Variants in SMAD6 observed in about 807,000 individuals in gnomAD.
SMAD6 encodes SMAD family member 6.
Under a neutral mutation model 39.4 loss-of-function variants are expected in SMAD6, and 103 were observed. The observed-to-expected ratio is 2.62, with a 90% CI of 2.23 to 3.08. SMAD6 has a LOEUF of 3.08. Ranked by LOEUF, SMAD6 falls within the 30% of genes most tolerant of loss-of-function variation. The pLI is 0.00. For synonymous variants in SMAD6, 445 were observed against 353.3 expected (o/e 1.26, Z -2.91); for missense variants, 1,104 against 742.9 (o/e 1.49, Z -5.65).
intron 3 of SMAD6, chr15:66,717,169 C>T: frequency 7.8e-7 from 1 of 1,283,176 alleles, no homozygotes; most frequent in Non-Finnish European, 1.0e-6. Flanking sequence ...ACATCGAGGG[C>T]CAGGACCAAG....
chr15:66,744,562 A>G (rs1893875152), intron 3 of SMAD6, among the ~76,000 whole-genome samples: 1 of 152,230 alleles, frequency 6.6e-6, no homozygotes, highest in African/African-American at 2.4e-5. Context: ...TTGTTGAACA[A>G]CAAAAAGCAG....
chr15:66,704,004 G>A lies in SMAD6; in HGVS notation c.746G>A (p.Ser249Asn), dbSNP rs924088670. ...CTGAAGCCCCTGTGCGGCTGCCACA[G>A]CTTCGCCGCCGCCGCCGACGGCCCT... The part of the protein sequence containing the change: ...VELKPLCGCH[S>N]FAAAADGPTV... The change falls in exon 1 of 4, where the codon AGC becomes AAC. Residue 249 changes from serine to asparagine, a missense_variant. Transcript: ENST00000288840. 5 of 1,494,688 alleles carry A rather than the reference G, an allele frequency of 3.3e-6. No individual in the cohort carries two copies. The highest frequency in any genetic ancestry group is 4.4e-6 in the Non-Finnish European group (5 of 1,130,534). 92.6% of individuals were successfully genotyped at this position (1,494,688 alleles called of 1,614,324 possible). A position where few individuals can be genotyped will look rare whatever the true frequency, so the allele number is the denominator to read the frequency against.
At chr15:66,713,225 A>G (rs922645600) in intron 2 of SMAD6, among the ~76,000 whole-genome samples, 2 of 152,236 alleles carry the variant, frequency 1.3e-5, no homozygotes, top group African/African-American at 4.8e-5. Flanking sequence ...CGATGCTGCA[A>G]CATTCCACCA....
At chr15:66,720,453 C>T (rs1471873670) in intron 3 of SMAD6, among the ~76,000 whole-genome samples, 1 of 152,088 alleles carries the variant, frequency 6.6e-6, no homozygotes, top group Admixed American at 6.5e-5. Flanking sequence ...AGCTCTGAGT[C>T]ACTTAGCGGG....
rs1555434180 is a variant in SMAD6 at position 66,703,497 on chromosome 15, C to T, written c.239C>T (p.Ala80Val). ...DAVGQRGAQG[A>V]GRRRRAGGPP... ...GTGGGACAGCGAGGCGCCCAGGGCGCGGGGAGGCGCCGGCGCGCAGGGGGC... is the reference window on the plus strand; with the variant it reads ...GTGGGACAGCGAGGCGCCCAGGGCGTGGGGAGGCGCCGGCGCGCAGGGGGC... Residue 80 changes from alanine (A) to valine (V), a missense_variant, in exon 1 of 4, where the codon GCG becomes GTG. By Grantham distance (64) the Ala-to-Val change is moderately conservative. Transcript: ENST00000288840. The T allele has an allele frequency of 9.0e-6, 11 of 1,228,424 alleles. No individual in the cohort carries two copies. Among genetic ancestry groups the T allele is most frequent in the Non-Finnish European group, 1.0e-5 (10 of 981,802 alleles). The allele number at this position is 1,228,424 out of a possible 1,614,324, so 76.1% of individuals were successfully genotyped here. A position where few individuals can be genotyped will look rare whatever the true frequency, so the allele number is the denominator to read the frequency against.
In SMAD6 at chr15:66,703,530, G is replaced by A; in HGVS notation, c.272G>A (p.Arg91Lys). ...CGCCGGCGCGCAGGGGGCCCCCCGAGGCCCATGTCGGAGCCAGGGGCCGGC... is the reference window on the plus strand; with the variant it reads ...CGCCGGCGCGCAGGGGGCCCCCCGAAGCCCATGTCGGAGCCAGGGGCCGGC... Reference protein sequence around the residue: ...GRRRRAGGPPRPMSEPGAGAG... With the variant: ...GRRRRAGGPPKPMSEPGAGAG... The change falls in exon 1 of 4, where the codon AGG (arginine) becomes AAG (lysine). Residue 91 changes from arginine (R) to lysine (K), a missense_variant. By Grantham distance (26) the Arg-to-Lys change is conservative. Transcript: ENST00000288840. 4.1e-6 allele frequency: 5 copies of A among 1,221,710 alleles called. No homozygotes were observed. Among genetic ancestry groups the A allele is most frequent in the East Asian group, 3.3e-5 (1 of 29,966 alleles). The allele number at this position is 1,221,710 out of a possible 1,614,324, so 75.7% of individuals were successfully genotyped here.
At chr15:66,717,435 C>T (rs1398037272) in intron 3 of SMAD6, 4 of 455,908 alleles carry the variant, frequency 8.8e-6, no homozygotes, top group Admixed American at 4.7e-5. Context: ...CTTGGGACAG[C>T]CATGGGCTGT....
chr15:66,762,254 C>T (rs2140660252), intron 3 of SMAD6, among the ~76,000 whole-genome samples: 1 of 152,376 alleles, frequency 6.6e-6, no homozygotes, highest in Non-Finnish European at 1.5e-5. Flanking sequence ...ACCTCCAGTG[C>T]CTCCCTTGCC....
At chr15:66,741,022 T>A (rs1893803870) in intron 3 of SMAD6, 1 of 152,244 alleles carries the variant, frequency 6.6e-6, no homozygotes, top group African/African-American at 2.4e-5. Flanking sequence ...TCCCTCCAGC[T>A]GCCAGACATT....
chr15:66,757,433 G>C (rs577698810), intron 3 of SMAD6, among the ~76,000 whole-genome samples: 1 of 152,142 alleles, frequency 6.6e-6, no homozygotes, highest in African/African-American at 2.4e-5. Flanking sequence ...AGGAGACAGC[G>C]GACACATTAT....
At chr15:66,754,493 G>A (rs1249683027) in intron 3 of SMAD6, among the ~76,000 whole-genome samples, 3 of 152,190 alleles carry the variant, frequency 2.0e-5, no homozygotes, top group African/African-American at 7.2e-5. Flanking sequence ...GTGAATGCGT[G>A]TGCCCATTTT....
At chr15:66,713,925 G>T (rs928207997) in intron 2 of SMAD6, among the ~76,000 whole-genome samples, 3 of 152,206 alleles carry the variant, frequency 2.0e-5, no homozygotes, top group African/African-American at 7.2e-5. Flanking sequence ...CAAACTGAGT[G>T]AGGGCGAGGA....
chr15:66,704,136 CTT>C, intron 1 of SMAD6, 61 bp downstream of exon 1: 1 of 1,271,490 alleles, frequency 7.9e-7, no homozygotes, highest in Non-Finnish European at 1.0e-6. Context: ...CTTCCGTGCC[CTT>C]CTCTCTGTGA....
intron 1 of SMAD6, chr15:66,707,965 A>T (rs1390211356): frequency 3.9e-5 from 6 of 152,410 alleles, no homozygotes; most frequent in Admixed American, 2.0e-4. Context: ...TTAGGTCTAG[A>T]TCCCAAAAGG....
At chr15:66,745,570 A>G (rs905043146) in intron 3 of SMAD6, among the ~76,000 whole-genome samples, 1 of 152,038 alleles carries the variant, frequency 6.6e-6, no homozygotes, top group African/African-American at 2.4e-5. Flanking sequence ...CACCCATCTT[A>G]GATGTTCTTT....
intron 3 of SMAD6, among the ~76,000 whole-genome samples, chr15:66,737,682 A>G (rs1893737416): frequency 6.6e-6 from 1 of 151,880 alleles, no homozygotes; most frequent in Admixed American, 6.6e-5. Flanking sequence ...AAAGGTAAAC[A>G]GGTTTATAAC....
At chr15:66,727,015 G>A (rs12899535) in intron 3 of SMAD6, among the ~76,000 whole-genome samples, 12,867 of 152,072 alleles carry the variant, frequency 0.085, 631 homozygotes, top group East Asian at 0.2. Context: ...GCCCCTGGCC[G>A]GTGCCTGATT....
At chr15:66,727,277 AT>A (rs2140620275) in intron 3 of SMAD6, among the ~76,000 whole-genome samples, 1 of 151,980 alleles carries the variant, frequency 6.6e-6, no homozygotes, top group African/African-American at 2.4e-5. Flanking sequence ...TAACTTTTGT[AT>A]TTTTAGTAGA....
chr15:66,722,003 G>A (rs1357445600), intron 3 of SMAD6, among the ~76,000 whole-genome samples: 1 of 152,210 alleles, frequency 6.6e-6, no homozygotes, highest in Non-Finnish European at 1.5e-5. Flanking sequence ...ACCTGGAGGT[G>A]TGAAAAGAAC....
Sources: gnomAD v4.1 joint callset for allele counts (sites outside exome capture counted in the v4.1 genomes callset) on GRCh38, gnomAD v4.1.1 for gene constraint, MANE v1.5 for transcripts, NCBI Gene and HGNC (gene_info 2026-07-23, HGNC 2026-07-21) for gene names.